Variants in C5 observed in about 807,000 individuals in gnomAD.
The protein encoded by C5 is C3 and PZP-like alpha-2-macroglobulin domain-containing protein 4.
In C5, 140 loss-of-function variants were observed where a neutral mutation model predicts 218.8. The ratio of observed to expected loss-of-function variants is 0.64; its 90% CI spans 0.56 to 0.74. The LOEUF (loss-of-function observed/expected upper bound fraction) is 0.74, where lower values mean the gene tolerates loss of function less well. Ranked by LOEUF, C5 falls within the 30% of genes least tolerant of loss-of-function variation. The pLI is 0.00. For synonymous variants in C5, 614 were observed against 682.3 expected (o/e 0.90, Z 1.56); for missense variants, 1,700 against 1,969.6 (o/e 0.86, Z 2.59).
intron 34 of C5, 122 bp downstream of exon 34, chr9:120,963,514 A>C (rs1293275042): frequency 1.2e-6 from 1 of 805,890 alleles, no homozygotes; most frequent in Non-Finnish European, 2.0e-6. Flanking sequence ...CAAAAAAAAA[A>C]AAATATTCTG....
At chr9:120,956,528 A>C (rs2046785931) in intron 39 of C5, among the ~76,000 whole-genome samples, 2 of 152,218 alleles carry the variant, frequency 1.3e-5, no homozygotes, top group Non-Finnish European at 2.9e-5. Flanking sequence ...TGCTATTCCT[A>C]TCATTTTTCA....
rs570041928 is a variant in C5 at position 121,010,583 on chromosome 9, T to C, written c.2258-2085A>G. 2.6e-5 allele frequency among the ~76,000 whole-genome samples: 4 copies of C among 152,198 alleles called. No individual in the cohort carries two copies. In the East Asian group the frequency reaches 5.8e-4, roughly 22 times the overall value. On this transcript the variant is annotated intron_variant, in intron 17 of 40. Transcript: ENST00000223642. ...TACCCAAAGCAATCTACTGATTCAA[T>C]GCAATCTCTATGAAAACACCAATAA...
Position 121,020,187 on chromosome 9 carries a change from G to A in C5, c.1303-8C>T, listed in dbSNP as rs1341705703. ...TGGAGCATCAGTTTTGACCTGAAAA[G>A]AGAAATTTCAAAAAGACATGTATAC... On this transcript the variant is annotated splice_region_variant and splice_polypyrimidine_tract_variant and intron_variant, in intron 11 of 40. Coordinates refer to ENST00000223642, the MANE Select transcript of C5 (RefSeq NM_001735.3). 1.9e-6 allele frequency: 3 copies of A among 1,608,188 alleles called. No homozygotes were observed.
upstream of C5, among the ~76,000 whole-genome samples, chr9:121,054,617 TA>T (rs1367437612): frequency 6.6e-6 from 1 of 152,120 alleles, no homozygotes; most frequent in Non-Finnish European, 1.5e-5. Context: ...AATAAATAAA[TA>T]AAAATAAACC....
At chr9:120,994,915 C>T (rs2047104926) in intron 22 of C5, among the ~76,000 whole-genome samples, 2 of 131,684 alleles carry the variant, frequency 1.5e-5, no homozygotes, top group South Asian at 6.1e-4. Flanking sequence ...GAAGAAGCAT[C>T]TGTGGTGAAA....
At chr9:121,001,563 T>C (rs1431592548) in intron 20 of C5, among the ~76,000 whole-genome samples, 1 of 152,246 alleles carries the variant, frequency 6.6e-6, no homozygotes, top group Non-Finnish European at 1.5e-5. Context: ...ATTCATTGTG[T>C]ATACATATTA....
At chr9:121,059,347 G>A in the C5 span, among the ~76,000 whole-genome samples, 1 of 152,172 alleles carries the variant, frequency 6.6e-6, no homozygotes, top group Middle Eastern at 3.2e-3. This position sits in a 1 kb window ranked among gnomAD's most constrained non-coding sequence, Gnocchi z 4.1. Context: ...CATACAAGGA[G>A]GAGATGCTCA....
intron 28 of C5, 36 bp from the exon 29 acceptor site, chr9:120,976,941 A>G (rs1480403188): frequency 1.3e-6 from 2 of 1,545,038 alleles, no homozygotes; most frequent in African/African-American, 2.7e-5. Context: ...TAATATGATT[A>G]AAAATGTGAA....
intron 3 of C5, among the ~76,000 whole-genome samples, chr9:121,038,548 G>C (rs1023341887): frequency 2.0e-5 from 3 of 152,102 alleles, no homozygotes; most frequent in Admixed American, 2.0e-4. Flanking sequence ...CTCAATAACT[G>C]TTAGTTCTCT....
chr9:121,016,148 C>A lies in C5; in HGVS notation c.1996+106G>T, dbSNP rs1587980059. 1.1e-5 allele frequency: 16 copies of A among 1,397,896 alleles called. No individual in the cohort carries two copies. In the East Asian group the frequency reaches 3.7e-4, roughly 32 times the overall value. 86.6% of individuals were successfully genotyped at this position (1,397,896 alleles called of 1,614,324 possible). ...ATACAGGTGAGTTATGTAGTCTTGG[C>A]ATTCTAAGATCAGGGTACAGAATAT... On this transcript the variant is annotated intron_variant, in intron 15 of 40. Coordinates refer to ENST00000223642, the MANE Select transcript of C5 (RefSeq NM_001735.3).
At chr9:121,070,770 C>T in the C5 span, among the ~76,000 whole-genome samples, 1 of 151,698 alleles carries the variant, frequency 6.6e-6, no homozygotes, top group East Asian at 1.9e-4. Context: ...TTAAAGGATA[C>T]AAAATTATAG....
At chr9:120,994,204 A>C (rs1299596912) in intron 22 of C5, among the ~76,000 whole-genome samples, 1 of 152,056 alleles carries the variant, frequency 6.6e-6, no homozygotes, top group Non-Finnish European at 1.5e-5. Flanking sequence ...ATTATAGTCC[A>C]TTTATTTTTC....
At chr9:121,034,970 T>C (rs1478941315) in intron 4 of C5, 76 bp from the exon 5 acceptor site, 1 of 706,906 alleles carries the variant, frequency 1.4e-6, no homozygotes, top group Non-Finnish European at 2.5e-6. Context: ...CAATCTTTGA[T>C]GTACAAAATA....
At chr9:121,072,812 T>TAAAAAAAAAAAAA in the C5 span, among the ~76,000 whole-genome samples, 14 of 98,584 alleles carry the variant, frequency 1.4e-4, no homozygotes, top group Non-Finnish European at 2.4e-4. Flanking sequence ...TTCAAAAAAT[T>TAAAAAAAAAAAAA]AAAAAAAAAA....
At chr9:120,973,264 C>T (rs914296573) in intron 30 of C5, among the ~76,000 whole-genome samples, 4 of 152,204 alleles carry the variant, frequency 2.6e-5, no homozygotes, top group Admixed American at 2.6e-4. Flanking sequence ...ACAGCATTAT[C>T]CCTATAGAGA....
intron 30 of C5, among the ~76,000 whole-genome samples, chr9:120,972,391 C>T (rs1371538302): frequency 1.3e-5 from 2 of 152,122 alleles, no homozygotes; most frequent in African/African-American, 4.8e-5. Context: ...TCATTAGAAC[C>T]CAGAGCAGGG....
intron 39 of C5, among the ~76,000 whole-genome samples, chr9:120,955,115 T>A (rs2046775386): frequency 6.6e-6 from 1 of 152,240 alleles, no homozygotes; most frequent in African/African-American, 2.4e-5. Context: ...TTTATCCTTA[T>A]CCTCAAACTA....
intron 31 of C5, among the ~76,000 whole-genome samples, chr9:120,970,795 T>C (rs1021186535): frequency 1.3e-5 from 2 of 152,236 alleles, no homozygotes; most frequent in Non-Finnish European, 2.9e-5. Context: ...AAGAGCGTGA[T>C]TAAAATTATT....
intron 12 of C5, among the ~76,000 whole-genome samples, chr9:121,018,334 G>T (rs1053523251): frequency 2.6e-5 from 4 of 151,468 alleles, no homozygotes; most frequent in Non-Finnish European, 4.4e-5. Flanking sequence ...AGAAGTTTGG[G>T]AGGCCAAGGC....
Sources: gnomAD v4.1 joint callset for allele counts (sites outside exome capture counted in the v4.1 genomes callset) on GRCh38, gnomAD v4.1.1 for gene constraint, Gnocchi (gnomAD v3.1) non-coding constraint, MANE v1.5 for transcripts, NCBI Gene and HGNC (gene_info 2026-07-23, HGNC 2026-07-21) for gene names.